ANKRD6: variants seen among roughly 807,000 people sequenced by gnomAD.
ANKRD6 encodes the protein ankyrin repeat domain 6.
ANKRD6 carries 56 observed loss-of-function variants against 82.3 expected under a neutral mutation model. The observed-to-expected ratio is 0.68, with a 90% CI of 0.55 to 0.85. The LOEUF (loss-of-function observed/expected upper bound fraction) is 0.85, where lower values mean the gene tolerates loss of function less well. Among genes scored for constraint, ANKRD6 ranks in the 40% least tolerant of loss-of-function variants. The pLI is 0.00. For missense variants in ANKRD6, 852 were observed against 907.6 expected (o/e 0.94, Z 0.79); for synonymous variants, 347 against 352.1 (o/e 0.99, Z 0.16).
At chr6:89,627,408 T>C (rs1806081117) in intron 13 of ANKRD6, among the ~76,000 whole-genome samples, 175 bp from the exon 14 acceptor site, 1 of 152,188 alleles carries the variant, frequency 6.6e-6, no homozygotes, top group Non-Finnish European at 1.5e-5. Context: ...AGAAACATGC[T>C]CAAGAATTCT....
At chr6:89,557,769 C>G (rs923782460) in intron 1 of ANKRD6, among the ~76,000 whole-genome samples, 1 of 152,114 alleles carries the variant, frequency 6.6e-6, no homozygotes, top group African/African-American at 2.4e-5. Context: ...TGAGCTCCCC[C>G]TCCTGTCAGA....
At chr6:89,565,296 AC>A (rs1365418670) in intron 1 of ANKRD6, 2 of 152,094 alleles carry the variant, frequency 1.3e-5, no homozygotes, top group East Asian at 3.9e-4. Flanking sequence ...GTTTCTAATG[AC>A]CCAGTGAGCA....
intron 1 of ANKRD6, among the ~76,000 whole-genome samples, chr6:89,472,810 C>T (rs535970283): frequency 2.6e-5 from 4 of 152,274 alleles, no homozygotes; most frequent in East Asian, 1.9e-4. Context: ...TTGGCTCATA[C>T]GTGGCTAGGA....
chr6:89,489,267 G>A (rs562118452), intron 1 of ANKRD6, among the ~76,000 whole-genome samples: 2 of 152,310 alleles, frequency 1.3e-5, no homozygotes, highest in South Asian at 4.1e-4. Context: ...TGACAGCTCT[G>A]CCTGAGTGGG....
intron 1 of ANKRD6, among the ~76,000 whole-genome samples, chr6:89,468,043 A>G (rs1775043426): frequency 1.3e-5 from 2 of 152,230 alleles, no homozygotes; most frequent in Non-Finnish European, 2.9e-5. Flanking sequence ...ATAGAGGTCC[A>G]AGGAGACACT....
At chr6:89,524,557 A>G (rs1782239325) in intron 1 of ANKRD6, among the ~76,000 whole-genome samples, 1 of 152,206 alleles carries the variant, frequency 6.6e-6, no homozygotes, top group African/African-American at 2.4e-5. Context: ...TTTATGTCCA[A>G]GTAGTATTCA....
At chr6:89,441,398 C>T (rs992382881) in intron 1 of ANKRD6, among the ~76,000 whole-genome samples, 5 of 152,208 alleles carry the variant, frequency 3.3e-5, no homozygotes, top group Non-Finnish European at 7.3e-5. Flanking sequence ...AGTGATCTGC[C>T]TGCCTCGGCC....
intron 15 of ANKRD6, 26 bp from the exon 16 acceptor site, chr6:89,630,407 C>T: frequency 3.1e-6 from 5 of 1,590,528 alleles, no homozygotes; most frequent in Non-Finnish European, 4.3e-6. Context: ...GATTTGCTCT[C>T]ACGTTTGTTT....
At chr6:89,443,029 G>A (rs1380378202) in intron 1 of ANKRD6, among the ~76,000 whole-genome samples, 1 of 152,142 alleles carries the variant, frequency 6.6e-6, no homozygotes, top group Non-Finnish European at 1.5e-5. Context: ...ATATGGCAAA[G>A]AAACATATTT....
At chr6:89,576,726 G>C (rs1162176116) in intron 2 of ANKRD6, among the ~76,000 whole-genome samples, 1 of 152,016 alleles carries the variant, frequency 6.6e-6, no homozygotes, top group Non-Finnish European at 1.5e-5. Context: ...TCTGCCTCCT[G>C]GTTTTCCTCC....
At chr6:89,452,445 G>T (rs1276216923) in intron 1 of ANKRD6, among the ~76,000 whole-genome samples, 3 of 152,178 alleles carry the variant, frequency 2.0e-5, no homozygotes, top group Non-Finnish European at 2.9e-5. Flanking sequence ...GGAAACCAAA[G>T]TATTGATTGT....
At chr6:89,443,537 G>A (rs1054929229) in intron 1 of ANKRD6, among the ~76,000 whole-genome samples, 8 of 152,124 alleles carry the variant, frequency 5.3e-5, no homozygotes, top group Non-Finnish European at 7.3e-5. Context: ...TGTGATCATG[G>A]TTCTGCAGCC....
chr6:89,611,576 G>A (rs959984859), intron 5 of ANKRD6, among the ~76,000 whole-genome samples: 1 of 152,222 alleles, frequency 6.6e-6, no homozygotes, highest in African/African-American at 2.4e-5. Flanking sequence ...TTGTCATTGT[G>A]ATGTGGTTTG....
intron 3 of ANKRD6, among the ~76,000 whole-genome samples, chr6:89,599,160 C>T (rs1796539446): frequency 6.6e-6 from 1 of 152,066 alleles, no homozygotes; most frequent in African/African-American, 2.4e-5. Flanking sequence ...ATTGCTTGAA[C>T]CCAGGAGTTG....
rs1410419924 is a variant in ANKRD6, at chr6:89,606,056, C to T, written c.368C>T (p.Ser123Leu). The change falls in exon 5 of 16, where the codon TCA becomes TTA. Residue 123 changes from serine to leucine, a missense_variant. Physicochemically the swap from Ser to Leu is moderately radical, Grantham distance 145. Coordinates refer to ENST00000339746, the MANE Select transcript of ANKRD6 (RefSeq NM_001242809.2). ...GCATCCTGGCATGGTTTCAGCCAGT[C>T]AGCCAAGCTGCTCATTAAAGCAGGA... ...HEASWHGFSQ[S>L]AKLLIKAGAN... The T allele has an allele frequency of 6.3e-7, 1 of 1,595,520 alleles. No individual in the cohort carries two copies. Among genetic ancestry groups the T allele is most frequent in the Non-Finnish European group, 8.5e-7 (1 of 1,170,780 alleles).
At chr6:89,595,874 T>C (rs995090019) in intron 2 of ANKRD6, 42 bp from the exon 3 acceptor site, 83 of 1,511,042 alleles carry the variant, frequency 5.5e-5, no homozygotes, top group Non-Finnish European at 7.2e-5. Flanking sequence ...GGAGTAGCAT[T>C]GAGGACTTGT....
intron 1 of ANKRD6, among the ~76,000 whole-genome samples, chr6:89,503,862 G>T (rs1334592533): frequency 6.6e-6 from 1 of 152,192 alleles, no homozygotes; most frequent in Admixed American, 6.5e-5. Flanking sequence ...TGAGGCAGGG[G>T]TGTGCCTGGT....
intron 2 of ANKRD6, among the ~76,000 whole-genome samples, chr6:89,580,932 C>G (rs539283912): frequency 1.2e-4 from 19 of 152,210 alleles, no homozygotes; most frequent in Admixed American, 3.3e-4. Context: ...ATATAGCATG[C>G]TCCTTCCAAA....
rs1002897871 is a variant in ANKRD6, at chr6:89,623,780, T to C, written c.1033-92T>C. On this transcript the variant is annotated intron_variant, in intron 11 of 15. Transcript: ENST00000339746. The stretch of plus-strand genomic sequence containing the variant: ...ATGAGGTGAAACAAAGTGGGGCTCT[T>C]TGCCCAAATGGGGTGACATGGGCGC... 18 of 1,411,186 alleles carry C rather than the reference T, an allele frequency of 1.3e-5. No homozygotes were observed. The African/African-American group carries it at 2.6e-4, about 20-fold the overall frequency. The allele number at this position is 1,411,186 out of a possible 1,614,324, so 87.4% of individuals were successfully genotyped here. A position where few individuals can be genotyped will look rare whatever the true frequency, so the allele number is the denominator to read the frequency against.
Sources: gnomAD v4.1 joint callset for allele counts (sites outside exome capture counted in the v4.1 genomes callset) on GRCh38, gnomAD v4.1.1 for gene constraint, MANE v1.5 for transcripts, NCBI Gene and HGNC (gene_info 2026-07-23, HGNC 2026-07-21) for gene names.